The following CHST11 variants were observed in gnomAD, a reference collection of about 807,000 sequenced individuals.
CHST11 encodes the protein carbohydrate sulfotransferase 11.
A neutral mutation model predicts 30.4 loss-of-function variants in CHST11; 9 were observed. That is an observed-to-expected ratio of 0.30 (90% confidence interval 0.18 to 0.52). The LOEUF (loss-of-function observed/expected upper bound fraction) is 0.52. Among genes scored for constraint, CHST11 ranks in the 20% least tolerant of loss-of-function variants. The pLI is 0.97. For missense variants in CHST11, 348 were observed against 460.6 expected (o/e 0.76, Z 2.24); for synonymous variants, 152 against 187.8 (o/e 0.81, Z 1.56).
At chr12:104,470,252 T>C (rs2037495213) in intron 1 of CHST11, among the ~76,000 whole-genome samples, 1 of 152,190 alleles carries the variant, frequency 6.6e-6, no homozygotes, top group African/African-American at 2.4e-5. Flanking sequence ...GGGTAATTTA[T>C]AAAGGAAAGA....
At chr12:104,552,128 A>T (rs1169927899) in intron 1 of CHST11, 2 of 152,224 alleles carry the variant, frequency 1.3e-5, no homozygotes, top group Non-Finnish European at 2.9e-5. Flanking sequence ...CTGCCTTTCT[A>T]ACAGGCTTTT....
intron 1 of CHST11, among the ~76,000 whole-genome samples, chr12:104,534,604 A>G (rs368876638): frequency 3.3e-5 from 5 of 152,162 alleles, no homozygotes; most frequent in East Asian, 1.9e-4. Flanking sequence ...CTGAGAGGGC[A>G]GGAGAGGCCA....
At chr12:104,463,244 ACT>A (rs2037426239) in intron 1 of CHST11, among the ~76,000 whole-genome samples, 1 of 151,814 alleles carries the variant, frequency 6.6e-6, no homozygotes, top group Non-Finnish European at 1.5e-5. Flanking sequence ...CTAAGTTCAG[ACT>A]CTGAGGAAAA....
At chr12:104,565,450 A>C (rs1285232754) in intron 1 of CHST11, among the ~76,000 whole-genome samples, 1 of 151,676 alleles carries the variant, frequency 6.6e-6, no homozygotes, top group Non-Finnish European at 1.5e-5. Context: ...TATTTTTAGT[A>C]GAGGCGGGGT....
rs1189080793 is a variant in CHST11 at position 104,622,419 on chromosome 12, T to C, written c.204+20428T>C. 2.0e-5 allele frequency among the ~76,000 whole-genome samples: 3 copies of C among 152,258 alleles called. No homozygotes were observed. In the East Asian group the frequency reaches 5.8e-4, roughly 29 times the overall value. On this transcript the variant is annotated intron_variant, in intron 2 of 2. Coordinates refer to ENST00000303694, the MANE Select transcript of CHST11 (RefSeq NM_018413.6). ...AAGATTTTCCTTCATGAAATGATTATATAATTCTTACAGTATTCTCAAAGT... is the reference window on the plus strand; with the variant it reads ...AAGATTTTCCTTCATGAAATGATTACATAATTCTTACAGTATTCTCAAAGT...
chr12:104,614,031 A>G (rs2039085195), intron 2 of CHST11, among the ~76,000 whole-genome samples: 2 of 152,232 alleles, frequency 1.3e-5, no homozygotes, highest in African/African-American at 4.8e-5. Flanking sequence ...CTAGGAAAGC[A>G]GATCTTAAAT....
At chr12:104,599,963 T>C (rs2038943392) in intron 1 of CHST11, among the ~76,000 whole-genome samples, 1 of 152,256 alleles carries the variant, frequency 6.6e-6, no homozygotes, top group Admixed American at 6.5e-5. Flanking sequence ...CACCCATTCA[T>C]TTCTGTATCG....
At chr12:104,737,047 T>C (rs2040306938) in intron 2 of CHST11, among the ~76,000 whole-genome samples, 1 of 152,210 alleles carries the variant, frequency 6.6e-6, no homozygotes, top group Non-Finnish European at 1.5e-5. Flanking sequence ...TTATAGATGA[T>C]CTTTATGGGA....
chr12:104,582,066 G>T (rs2136032265), intron 1 of CHST11, among the ~76,000 whole-genome samples: 1 of 152,286 alleles, frequency 6.6e-6, no homozygotes, highest in Non-Finnish European at 1.5e-5. Flanking sequence ...AGTCTAAGAA[G>T]ACTATGGTTG....
intron 2 of CHST11, among the ~76,000 whole-genome samples, chr12:104,674,612 G>A (rs748149229): frequency 2.6e-4 from 40 of 152,250 alleles, no homozygotes; most frequent in Middle Eastern, 3.4e-3. Context: ...GAATAATTTC[G>A]AAGAGTCAGA....
At chr12:104,457,660 A>C in intron 1 of CHST11, 131 bp downstream of exon 1, 1 of 734,036 alleles carries the variant, frequency 1.4e-6, no homozygotes. Context: ...CTGGCTGCCC[A>C]GAGCTCCTGG....
At chr12:104,712,286 A>G (rs2040094336) in intron 2 of CHST11, among the ~76,000 whole-genome samples, 1 of 152,138 alleles carries the variant, frequency 6.6e-6, no homozygotes, top group Non-Finnish European at 1.5e-5. Flanking sequence ...GGTGAAACTC[A>G]AGTTTGGAGT....
intron 1 of CHST11, among the ~76,000 whole-genome samples, chr12:104,585,254 T>C (rs1410904419): frequency 1.3e-5 from 2 of 152,208 alleles, no homozygotes; most frequent in Non-Finnish European, 2.9e-5. Flanking sequence ...CGTACTCACC[T>C]TCAGCAATGC....
chr12:104,497,748 G>A (rs1167744797), intron 1 of CHST11, among the ~76,000 whole-genome samples: 2 of 152,114 alleles, frequency 1.3e-5, no homozygotes, highest in East Asian at 3.9e-4. Flanking sequence ...ACCTGGGTCT[G>A]TGATAGTGGG....
chr12:104,681,878 T>C (rs2039799736), intron 2 of CHST11, among the ~76,000 whole-genome samples: 1 of 133,794 alleles, frequency 7.5e-6, no homozygotes, highest in Non-Finnish European at 1.5e-5. Flanking sequence ...TCGCCCAGGC[T>C]GGAGTGCAGT....
At chr12:104,720,804 GGAAATGTC>G (rs2040169700) in intron 2 of CHST11, among the ~76,000 whole-genome samples, 1 of 152,130 alleles carries the variant, frequency 6.6e-6, no homozygotes, top group South Asian at 2.1e-4. Context: ...CACAAAAACA[GGAAATGTC>G]GTCTACCGTG....
chr12:104,703,069 C>G (rs985206928), intron 2 of CHST11, among the ~76,000 whole-genome samples: 9 of 152,222 alleles, frequency 5.9e-5, no homozygotes, highest in African/African-American at 2.2e-4. Flanking sequence ...CAGTGACTTT[C>G]CCTGTCATCT....
At chr12:104,736,116 G>A (rs1192104595) in intron 2 of CHST11, among the ~76,000 whole-genome samples, 1 of 152,158 alleles carries the variant, frequency 6.6e-6, no homozygotes, top group African/African-American at 2.4e-5. Flanking sequence ...GGAGGTTCCT[G>A]TGGGACATTC....
At chr12:104,543,214 G>T (rs1304858840) in intron 1 of CHST11, among the ~76,000 whole-genome samples, 2 of 152,160 alleles carry the variant, frequency 1.3e-5, no homozygotes, top group African/African-American at 4.8e-5. Context: ...CAGATCCCAT[G>T]TAAACTCACA....
Sources: allele counts gnomAD v4.1 joint callset (sites outside exome capture counted in the v4.1 genomes callset), GRCh38; gene constraint gnomAD v4.1.1; transcripts MANE v1.5; gene names NCBI Gene and HGNC (gene_info 2026-07-23, HGNC 2026-07-21).